Variants in CNTLN observed in about 807,000 individuals in gnomAD.
CNTLN encodes the protein centlein, centrosomal protein.
A neutral mutation model predicts 180.0 loss-of-function variants in CNTLN; 212 were observed. The observed-to-expected ratio is 1.18, with a 90% CI of 1.05 to 1.32. The LOEUF is 1.32. Ranked by LOEUF, CNTLN falls within the 40% of genes most tolerant of loss-of-function variation. The pLI is 0.00. For missense variants in CNTLN, 2,095 were observed against 1,610.9 expected (o/e 1.30, Z -5.14); for synonymous variants, 722 against 563.1 (o/e 1.28, Z -3.99).
At chr9:17,172,616 T>C (rs148430506) in intron 2 of CNTLN, among the ~76,000 whole-genome samples, 2,899 of 152,292 alleles carry the variant, frequency 0.019, 58 homozygotes, top group African/African-American at 0.05. Flanking sequence ...TTTTTCATAA[T>C]TGTAAAAAGT....
rs748532437 is a variant in CNTLN at position 17,298,221 on chromosome 9, A to C, written c.1015A>C (p.Lys339Gln). ...ACTGCAGGAGCTGCAGAATCTTTACAAACAGAACAGTACACATACAGCCCA... is the reference window on the plus strand; with the variant it reads ...ACTGCAGGAGCTGCAGAATCTTTACCAACAGAACAGTACACATACAGCCCA... ...KELQELQNLY[K>Q]QNSTHTAQQA... The change falls in exon 7 of 26, where the codon AAA (lysine) becomes CAA (glutamine). Residue 339 changes from lysine (K) to glutamine (Q), a missense_variant. By Grantham distance (53) the Lys-to-Gln change is moderately conservative. Coordinates refer to ENST00000380647, the MANE Select transcript of CNTLN (RefSeq NM_017738.4). 6.4e-7 allele frequency: 1 copy of C among 1,560,546 alleles called. No homozygotes were observed. The highest frequency in any genetic ancestry group is 1.4e-5 in the African/African-American group (1 of 72,548).
Position 17,147,958 on chromosome 9 carries a change from C to G in CNTLN, c.449+4582C>G, listed in dbSNP as rs368898776. 1.3e-5 allele frequency among the ~76,000 whole-genome samples: 2 copies of G among 152,220 alleles called. 1 individual carries two copies. The highest frequency in any genetic ancestry group is 3.9e-4 in the East Asian group (2 of 5,176). On this transcript the variant is annotated intron_variant, in intron 2 of 25. Transcript: ENST00000380647. ...TTGAAATGAAAAGAATAATCCTGCC[C>G]AATTAAAGAATTATACTACTATACT...
At chr9:17,293,753 G>C (rs1382293440) in intron 6 of CNTLN, among the ~76,000 whole-genome samples, 1 of 152,178 alleles carries the variant, frequency 6.6e-6, no homozygotes, top group African/African-American at 2.4e-5. Flanking sequence ...CCTTCCATTA[G>C]GAAGTTGGTA....
chr9:17,201,508 G>A (rs995053982), intron 2 of CNTLN, among the ~76,000 whole-genome samples: 2 of 152,042 alleles, frequency 1.3e-5, no homozygotes, highest in African/African-American at 4.8e-5. Flanking sequence ...TGCCTCAATT[G>A]CAGAACTTGT....
At chr9:17,295,438 C>T (rs536561610) in intron 6 of CNTLN, among the ~76,000 whole-genome samples, 17 of 152,256 alleles carry the variant, frequency 1.1e-4, no homozygotes, top group East Asian at 7.7e-4. Flanking sequence ...GGTAGGAGCT[C>T]GCATTACTCT....
chr9:17,394,694 T>C lies in CNTLN; in HGVS notation c.2240T>C (p.Ile747Thr), dbSNP rs1826364971. The C allele has an allele frequency of 1.2e-6, 2 of 1,613,312 alleles. No homozygotes were observed. The highest frequency in any genetic ancestry group is 2.7e-5 in the African/African-American group (2 of 74,748). ...AGAGAAAAAGAGCTAGAACAGATAA[T>C]AAAGGGGAGTAAAGATGTAGAAAAA... Reference protein sequence around the residue: ...ETREKELEQIIKGSKDVEKEN... With the variant: ...ETREKELEQITKGSKDVEKEN... Residue 747 changes from isoleucine (I) to threonine (T), a missense_variant, in exon 15 of 26, where the codon ATA becomes ACA. Physicochemically the swap from Ile to Thr is moderately conservative, Grantham distance 89 (BLOSUM62 -1). Coordinates refer to ENST00000380647, the MANE Select transcript of CNTLN (RefSeq NM_017738.4).
intron 5 of CNTLN, among the ~76,000 whole-genome samples, chr9:17,260,304 C>G (rs1321681927): frequency 1.3e-5 from 2 of 150,468 alleles, no homozygotes; most frequent in Non-Finnish European, 2.9e-5. Context: ...GTTTCTTAAT[C>G]CTGAGTTCTA....
chr9:17,522,509 T>A, the CNTLN span, among the ~76,000 whole-genome samples: 22 of 152,290 alleles, frequency 1.4e-4, no homozygotes, highest in African/African-American at 5.3e-4. Context: ...GGCAGCCTTT[T>A]CATCACTTCG....
intron 2 of CNTLN, among the ~76,000 whole-genome samples, chr9:17,144,667 A>T (rs1377683759): frequency 6.6e-6 from 1 of 151,594 alleles, no homozygotes; most frequent in Non-Finnish European, 1.5e-5. Flanking sequence ...CATAAAATTT[A>T]TAAATAAATG....
chr9:17,459,294 G>A (rs754883504), intron 19 of CNTLN, among the ~76,000 whole-genome samples: 7 of 151,600 alleles, frequency 4.6e-5, no homozygotes, highest in Non-Finnish European at 1.0e-4. Flanking sequence ...TTGCATTATG[G>A]TTTTCCATGG....
chr9:17,148,710 T>C (rs1241576869), intron 2 of CNTLN, among the ~76,000 whole-genome samples: 1 of 152,202 alleles, frequency 6.6e-6, no homozygotes, highest in Non-Finnish European at 1.5e-5. Context: ...TGAAGCAGAG[T>C]GTCACTTTAT....
intron 12 of CNTLN, among the ~76,000 whole-genome samples, chr9:17,359,570 G>A (rs1206412620): frequency 6.6e-6 from 1 of 151,150 alleles, no homozygotes; most frequent in African/African-American, 2.4e-5. Flanking sequence ...CAAAACACTT[G>A]AACAGATATT....
chr9:17,456,025 A>C (rs758467353), intron 18 of CNTLN, among the ~76,000 whole-genome samples: 4 of 151,882 alleles, frequency 2.6e-5, no homozygotes, highest in Non-Finnish European at 5.9e-5. Flanking sequence ...GGAAAGGTTG[A>C]CGGGAGAGAG....
At chr9:17,234,538 C>G (rs915750505) in intron 3 of CNTLN, among the ~76,000 whole-genome samples, 3 of 152,138 alleles carry the variant, frequency 2.0e-5, no homozygotes, top group African/African-American at 7.2e-5. Context: ...GGATCTTCCT[C>G]TCATTTTCAG....
At chr9:17,416,678 G>A (rs1828280129) in intron 18 of CNTLN, among the ~76,000 whole-genome samples, 1 of 152,098 alleles carries the variant, frequency 6.6e-6, no homozygotes, top group Non-Finnish European at 1.5e-5. Flanking sequence ...TAATCTATCT[G>A]TGGTTCTTTT....
At chr9:17,151,084 A>G (rs878949563) in intron 2 of CNTLN, among the ~76,000 whole-genome samples, 2 of 152,202 alleles carry the variant, frequency 1.3e-5, no homozygotes, top group Non-Finnish European at 2.9e-5. Flanking sequence ...CAATCATGTC[A>G]TCTGCAAACA....
At position 17,325,211 on chromosome 9, in the gene CNTLN, T is replaced by C. The variant is rs913987329; in HGVS notation, c.1342-5421T>C. On this transcript the variant is annotated intron_variant, in intron 8 of 25. Transcript: ENST00000380647. ...TTTTTTTTACAAGAATATATGACTATTATTAAAGTCATTTATTTTCAGGAT... is the reference window on the plus strand; with the variant it reads ...TTTTTTTTACAAGAATATATGACTACTATTAAAGTCATTTATTTTCAGGAT... Among the ~76,000 whole-genome samples the C allele has an allele frequency of 3.9e-5, 3 of 77,416 alleles. No homozygotes were observed. The Admixed American group carries it at 4.1e-4, about 11-fold the overall frequency. The allele number at this position is 77,416 out of a possible 152,430, so 50.8% of individuals were successfully genotyped here. A position where few individuals can be genotyped will look rare whatever the true frequency, so the allele number is the denominator to read the frequency against.
chr9:17,261,652 T>C (rs1826986248), intron 5 of CNTLN, among the ~76,000 whole-genome samples: 1 of 151,386 alleles, frequency 6.6e-6, no homozygotes, highest in African/African-American at 2.5e-5. Context: ...TATTTGTATG[T>C]CATTTATTTT....
At chr9:17,327,213 CT>C (rs71492913) in intron 8 of CNTLN, among the ~76,000 whole-genome samples, 67 of 117,766 alleles carry the variant, frequency 5.7e-4, no homozygotes, top group African/African-American at 1.2e-3. Context: ...AGTAGTTAAC[CT>C]TTTTTTTTTT....
Sources: allele counts gnomAD v4.1 joint callset (sites outside exome capture counted in the v4.1 genomes callset), GRCh38; gene constraint gnomAD v4.1.1; transcripts MANE v1.5; gene names NCBI Gene and HGNC (gene_info 2026-07-23, HGNC 2026-07-21).